The following ALK variants were observed in gnomAD, a reference collection of about 807,000 sequenced individuals.
The protein encoded by ALK is ALK receptor tyrosine kinase.
In ALK, 74 loss-of-function variants were observed where a neutral mutation model predicts 163.1. That is an observed-to-expected ratio of 0.45 (90% CI 0.38 to 0.55). The LOEUF (loss-of-function observed/expected upper bound fraction) is 0.55, where lower values mean the gene tolerates loss of function less well. Among genes scored for constraint, ALK ranks in the 20% least tolerant of loss-of-function variants. The pLI is 0.00. For missense variants in ALK, 2,063 were observed against 2,105.3 expected (o/e 0.98, Z 0.39); for synonymous variants, 960 against 843.2 (o/e 1.14, Z -2.40).
chr2:29,354,015 T>C (rs532580545), intron 5 of ALK, among the ~76,000 whole-genome samples: 7 of 152,360 alleles, frequency 4.6e-5, no homozygotes, highest in Admixed American at 3.9e-4. Context: ...GCTGGGGCAT[T>C]TCTGTCACTT....
At chr2:29,336,039 AAAAC>A (rs1017962732) in intron 5 of ALK, among the ~76,000 whole-genome samples, 6 of 152,154 alleles carry the variant, frequency 3.9e-5, no homozygotes, top group East Asian at 1.9e-4. Flanking sequence ...ACTGTCTCAA[AAAAC>A]AAACAAACAA....
At chr2:29,495,612 T>C (rs1672004807) in intron 4 of ALK, among the ~76,000 whole-genome samples, 1 of 152,174 alleles carries the variant, frequency 6.6e-6, no homozygotes, top group Admixed American at 6.5e-5. Context: ...GAATGTGCCA[T>C]CTCTTTCTTC....
Position 29,671,800 on chromosome 2 carries a change from A to C in ALK, c.952+23050T>G, listed in dbSNP as rs748691831. On this transcript the variant is annotated intron_variant, in intron 3 of 28. Coordinates refer to ENST00000389048, the MANE Select transcript of ALK (RefSeq NM_004304.5). ...CAGTGCTTTGGTTTTGATTTTCTAC[A>C]GGGTGTGGGGAGTAAAACCAGCTTG... is the stretch of plus-strand genomic sequence containing the variant. Among the ~76,000 whole-genome samples the C allele has an allele frequency of 4.6e-5, 7 of 152,162 alleles. No homozygotes were observed. In the East Asian group the frequency reaches 1.4e-3, roughly 29 times the overall value.
At chr2:29,321,710 C>T (rs1036288556) in intron 6 of ALK, among the ~76,000 whole-genome samples, 3 of 152,186 alleles carry the variant, frequency 2.0e-5, no homozygotes, top group African/African-American at 7.2e-5. Flanking sequence ...CTCCCACCCA[C>T]ACCCTCATTG....
At chr2:29,234,693 A>G (rs1463896533) in intron 13 of ALK, among the ~76,000 whole-genome samples, 1 of 152,130 alleles carries the variant, frequency 6.6e-6, no homozygotes, top group African/African-American at 2.4e-5. Context: ...TACTGAGCGT[A>G]GTACAAGTAC....
chr2:29,538,243 T>C (rs1300864867), intron 3 of ALK, among the ~76,000 whole-genome samples: 1 of 152,194 alleles, frequency 6.6e-6, no homozygotes, highest in Non-Finnish European at 1.5e-5. Flanking sequence ...CCTCCAAATC[T>C]CACGTTGAAA....
At chr2:29,914,018 T>C (rs1667770535) in intron 1 of ALK, among the ~76,000 whole-genome samples, 1 of 152,222 alleles carries the variant, frequency 6.6e-6, no homozygotes, top group Non-Finnish European at 1.5e-5. Context: ...AACATCTCTA[T>C]CTTGTTCTTC....
rs76285274 is a variant in ALK at position 29,638,119 on chromosome 2, T to C, written c.952+56731A>G. ...AAAGCACACCTTAAACTTGAGATAC[T>C]TGGAGGGCTCTGATAGCCATTTTTG... On this transcript the variant is annotated intron_variant, in intron 3 of 28. Transcript: ENST00000389048. Among the ~76,000 whole-genome samples, 11 of 152,276 alleles carry C rather than the reference T, an allele frequency of 7.2e-5. No homozygotes were observed. The East Asian group carries it at 2.1e-3, about 29-fold the overall frequency.
chr2:29,291,301 C>G (rs1461870440), intron 9 of ALK, among the ~76,000 whole-genome samples: 1 of 152,002 alleles, frequency 6.6e-6, no homozygotes, highest in East Asian at 1.9e-4. Context: ...GAGTTTGACA[C>G]TGCAGTGAGC....
intron 3 of ALK, among the ~76,000 whole-genome samples, chr2:29,563,293 C>T (rs1489462900): frequency 6.6e-6 from 1 of 152,166 alleles, no homozygotes; most frequent in Non-Finnish European, 1.5e-5. Flanking sequence ...AGAACGGGAA[C>T]ACCTAGCGCT....
chr2:29,532,884 A>G (rs1673157487), intron 3 of ALK, among the ~76,000 whole-genome samples: 1 of 152,234 alleles, frequency 6.6e-6, no homozygotes, highest in Non-Finnish European at 1.5e-5. Context: ...CTGTTTCAAC[A>G]AGATCCCTGA....
In ALK at chr2:29,448,778, A is replaced by G. The variant is rs184375534; in HGVS notation, c.1155-64919T>C. 1.2e-3 allele frequency among the ~76,000 whole-genome samples: 179 copies of G among 152,312 alleles called. 1 individual carries two copies. The highest frequency in any genetic ancestry group is 3.3e-3 in the African/African-American group (138 of 41,564). ...ACAAATCCTGAAAGTACAGAGTCTC[A>G]AGGTTGGAAGAAACCTTAAAAGTGT... On this transcript the variant is annotated intron_variant, in intron 4 of 28. Coordinates refer to ENST00000389048, the MANE Select transcript of ALK (RefSeq NM_004304.5).
intron 3 of ALK, among the ~76,000 whole-genome samples, chr2:29,554,379 T>C (rs1236136238): frequency 6.6e-6 from 1 of 152,150 alleles, no homozygotes; most frequent in East Asian, 1.9e-4. Context: ...TGCAAAACAA[T>C]AGCAAGGCTG....
At chr2:29,713,784 T>C (rs1357285887) in intron 2 of ALK, among the ~76,000 whole-genome samples, 1 of 152,020 alleles carries the variant, frequency 6.6e-6, no homozygotes, top group African/African-American at 2.4e-5. Flanking sequence ...TACTGCAATT[T>C]TATAATACAA....
intron 4 of ALK, among the ~76,000 whole-genome samples, chr2:29,434,870 G>A (rs554854681): frequency 6.6e-6 from 1 of 152,296 alleles, no homozygotes; most frequent in African/African-American, 2.4e-5. Flanking sequence ...CAAGAGAACA[G>A]TCAATTTTGG....
chr2:29,208,155 G>T (rs1669364441), intron 25 of ALK: 1 of 424,314 alleles, frequency 2.4e-6, no homozygotes, highest in South Asian at 1.6e-5. Context: ...AGTAATGCAG[G>T]TATGTGCAAG....
At chr2:29,568,301 ATCTC>A (rs1674252246) in intron 3 of ALK, among the ~76,000 whole-genome samples, 3 of 152,342 alleles carry the variant, frequency 2.0e-5, no homozygotes, top group Admixed American at 6.5e-5. Flanking sequence ...AAATAATTCA[ATCTC>A]TCTCACAGTT....
rs767998637 is a variant in ALK, at chr2:29,275,128, G to A, written c.2012C>T (p.Pro671Leu). ...AGGGTCAAAGATGGGGGTCTGTCTT[G>A]GTGAATTTTCCCCGGGTTTCAGCTC... The part of the protein sequence containing the change: ...NKELKPGENS[P>L]RQTPIFDPTV... The change falls in exon 11 of 29, where the codon CCA becomes CTA. Residue 671 changes from proline (P) to leucine (L), a missense_variant. By Grantham distance (98) the Pro-to-Leu change is moderately conservative. Coordinates refer to ENST00000389048, the MANE Select transcript of ALK (RefSeq NM_004304.5). 2.0e-5 allele frequency: 32 copies of A among 1,614,010 alleles called. No individual in the cohort carries two copies. The highest frequency in any genetic ancestry group is 2.7e-5 in the Non-Finnish European group (32 of 1,180,036).
At chr2:29,632,974 T>C (rs1054178861) in intron 3 of ALK, among the ~76,000 whole-genome samples, 8 of 152,198 alleles carry the variant, frequency 5.3e-5, no homozygotes, top group Non-Finnish European at 8.8e-5. Flanking sequence ...CTGGGAATTA[T>C]GGGAGTACAA....
Sources: allele counts gnomAD v4.1 joint callset (sites outside exome capture counted in the v4.1 genomes callset), GRCh38; gene constraint gnomAD v4.1.1; transcripts MANE v1.5; gene names NCBI Gene and HGNC (gene_info 2026-07-23, HGNC 2026-07-21).